IL1RAPL2: variants seen among roughly 807,000 people sequenced by gnomAD.
IL1RAPL2 encodes the protein X-linked interleukin-1 receptor accessory protein-like 2.
Under a neutral mutation model 44.1 loss-of-function variants are expected in IL1RAPL2, and 3 were observed. The observed-to-expected ratio is 0.07, with a 90% confidence interval of 0.03 to 0.18. The LOEUF is 0.18. Ranked by LOEUF, IL1RAPL2 falls within the 10% of genes least tolerant of loss-of-function variation. The pLI is 1.00. For missense variants in IL1RAPL2, 391 were observed against 496.4 expected (o/e 0.79, Z 2.02); for synonymous variants, 181 against 178.8 (o/e 1.01, Z -0.10).
intron 6 of IL1RAPL2, among the ~76,000 whole-genome samples, chrX:105,591,981 G>T (rs2037175036): frequency 9.0e-6 from 1 of 111,008 alleles, no homozygotes; most frequent in South Asian, 3.8e-4. Context: ...TTAGTTTTCT[G>T]CCTTGATGAT....
intron 2 of IL1RAPL2, among the ~76,000 whole-genome samples, chrX:104,680,386 G>A (rs1376384041): frequency 9.0e-6 from 1 of 110,832 alleles, no homozygotes; most frequent in East Asian, 2.8e-4. Flanking sequence ...TGCATGTATC[G>A]ATAGCTTTCA....
chrX:105,634,626 G>A (rs2037511715), intron 6 of IL1RAPL2, among the ~76,000 whole-genome samples: 1 of 111,114 alleles, frequency 9.0e-6, no homozygotes, highest in African/African-American at 3.3e-5. Context: ...AGTTGGAGGG[G>A]GTTAATGACA....
At chrX:105,358,908 G>A (rs766087473) in intron 5 of IL1RAPL2, among the ~76,000 whole-genome samples, 3 of 111,639 alleles carry the variant, frequency 2.7e-5, no homozygotes, top group South Asian at 7.5e-4. Context: ...GAAGCTGACC[G>A]ATAATGTAGT....
intron 5 of IL1RAPL2, among the ~76,000 whole-genome samples, chrX:105,273,752 G>T (rs1202713882): frequency 8.9e-6 from 1 of 111,844 alleles, no homozygotes; most frequent in East Asian, 2.8e-4. Context: ...GAAGGCTCCT[G>T]TGTATACAGT....
At chrX:104,674,370 T>C (rs1930692895) in intron 2 of IL1RAPL2, among the ~76,000 whole-genome samples, 1 of 112,231 alleles carries the variant, frequency 8.9e-6, no homozygotes, top group Admixed American at 9.4e-5. Flanking sequence ...GTGGTTTTTG[T>C]CTTTGGCTCT....
chrX:104,895,688 C>G (rs1390380724), intron 2 of IL1RAPL2, among the ~76,000 whole-genome samples: 1 of 112,021 alleles, frequency 8.9e-6, no homozygotes, highest in Non-Finnish European at 1.9e-5. Context: ...TCTGTCACCG[C>G]TTCCCTTGGC....
chrX:105,372,694 A>G (rs2035352506), intron 5 of IL1RAPL2, among the ~76,000 whole-genome samples: 4 of 110,976 alleles, frequency 3.6e-5, no homozygotes, highest in Admixed American at 1.9e-4. Context: ...ATGTATTCTC[A>G]TTATTTAGCT....
At chrX:104,661,602 C>A (rs1361529876) in intron 2 of IL1RAPL2, among the ~76,000 whole-genome samples, 1 of 109,922 alleles carries the variant, frequency 9.1e-6, no homozygotes, top group Admixed American at 9.8e-5. Flanking sequence ...CAGCCCTATA[C>A]CTCTGTTAAT....
chrX:105,551,048 T>C (rs1283771419), intron 6 of IL1RAPL2, among the ~76,000 whole-genome samples: 1 of 111,049 alleles, frequency 9.0e-6, no homozygotes, highest in Non-Finnish European at 1.9e-5. Context: ...TGAAATTAAG[T>C]GGCATGCTGT....
intron 1 of IL1RAPL2, among the ~76,000 whole-genome samples, chrX:104,572,813 C>T (rs985861274): frequency 4.5e-5 from 5 of 111,288 alleles, no homozygotes; most frequent in African/African-American, 9.8e-5. Flanking sequence ...ATGTTGCCCA[C>T]GCTGGTCTTG....
intron 2 of IL1RAPL2, among the ~76,000 whole-genome samples, chrX:105,121,368 G>C (rs1419939835): frequency 1.8e-5 from 2 of 111,584 alleles, no homozygotes; most frequent in Non-Finnish European, 3.8e-5. Context: ...TTAAGTCAGA[G>C]AGTCATGTCA....
At chrX:105,125,245 C>T (rs958272549) in intron 2 of IL1RAPL2, among the ~76,000 whole-genome samples, 1 of 110,712 alleles carries the variant, frequency 9.0e-6, no homozygotes, top group Admixed American at 9.7e-5. Context: ...CATATATTCC[C>T]AGAACTTAGC....
chrX:104,798,058 G>T (rs750104093), intron 2 of IL1RAPL2, among the ~76,000 whole-genome samples: 13 of 112,033 alleles, frequency 1.2e-4, no homozygotes, highest in South Asian at 7.6e-4. Context: ...GACCTAGTAA[G>T]AGGCAGATCT....
At chrX:105,243,817 G>T (rs1486283367) in intron 4 of IL1RAPL2, among the ~76,000 whole-genome samples, 2 of 109,866 alleles carry the variant, frequency 1.8e-5, no homozygotes, top group Non-Finnish European at 3.8e-5. Context: ...AAAGAAGCAT[G>T]CCTATTTTAC....
At chrX:104,928,957 AC>A (rs1924836350) in intron 2 of IL1RAPL2, among the ~76,000 whole-genome samples, 1 of 111,277 alleles carries the variant, frequency 9.0e-6, no homozygotes, top group African/African-American at 3.3e-5. Flanking sequence ...TCTTAGATTC[AC>A]TCCTACTTTA....
chrX:105,728,793 A>C (rs2038374865), intron 7 of IL1RAPL2, among the ~76,000 whole-genome samples: 1 of 111,580 alleles, frequency 9.0e-6, no homozygotes, highest in Admixed American at 9.5e-5. Flanking sequence ...TGACAAATGT[A>C]AAATATCATG....
intron 5 of IL1RAPL2, among the ~76,000 whole-genome samples, chrX:105,395,201 T>C (rs932324867): frequency 9.0e-6 from 1 of 110,874 alleles, no homozygotes; most frequent in African/African-American, 3.3e-5. Context: ...GTGATTAGAA[T>C]GCTTTGTGTC....
chrX:104,881,547 CTG>C (rs1923072196), intron 2 of IL1RAPL2, among the ~76,000 whole-genome samples: 1 of 112,162 alleles, frequency 8.9e-6, no homozygotes, highest in African/African-American at 3.2e-5. Flanking sequence ...GTTTTGCATG[CTG>C]TACTCTGTAA....
chrX:104,673,742 C>T lies in IL1RAPL2; in HGVS notation c.82+14747C>T, dbSNP rs1457107456. 2.5e-4 allele frequency among the ~76,000 whole-genome samples: 27 copies of T among 108,322 alleles called. 1 individual carries two copies. Among genetic ancestry groups the T allele is most frequent in the Non-Finnish European group, 4.2e-4 (22 of 52,007 alleles). The allele number at this position is 108,322 out of a possible 115,157, so 94.1% of individuals were successfully genotyped here. On this transcript the variant is annotated intron_variant, in intron 2 of 10. Transcript: ENST00000372582. ...TTCCTACCCATGAGCATGGAATGTT[C>T]TTCCATTTGTTTGTATCCTCTTTTA... is the stretch of plus-strand genomic sequence containing the variant.
Sources: gnomAD v4.1 joint callset for allele counts (sites outside exome capture counted in the v4.1 genomes callset) on GRCh38, gnomAD v4.1.1 for gene constraint, MANE v1.5 for transcripts, NCBI Gene and HGNC (gene_info 2026-07-23, HGNC 2026-07-21) for gene names.